Variants in ZNF385D observed in about 807,000 individuals in gnomAD.
The protein encoded by ZNF385D is zinc finger protein 385D, also known as zinc finger protein 659.
In ZNF385D, 15 loss-of-function variants were observed where a neutral mutation model predicts 35.8. The ratio of observed to expected loss-of-function variants is 0.42; its 90% CI spans 0.28 to 0.64. The LOEUF is 0.64. Among genes scored for constraint, ZNF385D ranks in the 30% least tolerant of loss-of-function variants. The pLI, the probability that ZNF385D is intolerant of heterozygous loss-of-function variation, is 0.23. For synonymous variants in ZNF385D, 212 were observed against 186.8 expected (o/e 1.13, Z -1.10); for missense variants, 474 against 494.6 (o/e 0.96, Z 0.39).
chr3:21,867,090 T>G (rs1339805599), intron 3 of ZNF385D, among the ~76,000 whole-genome samples: 4 of 152,044 alleles, frequency 2.6e-5, no homozygotes, highest in Non-Finnish European at 5.9e-5. Flanking sequence ...CGGTGTCTAG[T>G]GAGGGCCTTG....
intron 3 of ZNF385D, among the ~76,000 whole-genome samples, chr3:21,830,168 G>T (rs1250101969): frequency 1.3e-5 from 2 of 152,090 alleles, no homozygotes; most frequent in Non-Finnish European, 2.9e-5. Flanking sequence ...AAAAAGACTT[G>T]CATTTAAGCT....
rs565240340 is a variant in ZNF385D, at chr3:22,074,387, C to A, written c.325+94430G>T. 7.2e-5 allele frequency among the ~76,000 whole-genome samples: 11 copies of A among 152,052 alleles called. No homozygotes were observed. In the South Asian group the frequency reaches 2.3e-3, roughly 32 times the overall value. ...TATCATCCAGCCCTTGGCAGAGAAGCCAACTCTTAATTTTTCTATGGGTGG... is the reference window on the plus strand; with the variant it reads ...TATCATCCAGCCCTTGGCAGAGAAGACAACTCTTAATTTTTCTATGGGTGG... On this transcript the variant is annotated intron_variant, in intron 3 of 5. Transcript: ENST00000494108.
At chr3:21,650,335 T>G (rs1413707790) in intron 2 of ZNF385D, among the ~76,000 whole-genome samples, 1 of 152,006 alleles carries the variant, frequency 6.6e-6, no homozygotes, top group African/African-American at 2.4e-5. Context: ...TAGTGAGTAT[T>G]TTTTTCTTCA....
chr3:22,355,166 T>C (rs9854991), intron 2 of ZNF385D, among the ~76,000 whole-genome samples: 50,261 of 151,900 alleles, frequency 0.33, 9,096 homozygotes, highest in African/African-American at 0.45. Flanking sequence ...TTCCTTTATA[T>C]AGTCTCCATC....
At chr3:21,972,857 AGATT>A (rs1406473522) in intron 3 of ZNF385D, among the ~76,000 whole-genome samples, 1 of 151,984 alleles carries the variant, frequency 6.6e-6, no homozygotes, top group African/African-American at 2.4e-5. Flanking sequence ...CAATCTACTA[AGATT>A]GAACCGTGAA....
rs536156809 is a variant in ZNF385D, at chr3:21,733,390, T to C, written c.22+17505A>G. The stretch of plus-strand genomic sequence containing the variant: ...GTCTTTTGCCTCTCCACAGAAACTT[T>C]AGAATAAGCTTGTCAATGTTTGTTC... On this transcript the variant is annotated intron_variant, in intron 1 of 7. Coordinates refer to ENST00000281523, the MANE Select transcript of ZNF385D (RefSeq NM_024697.3). Among the ~76,000 whole-genome samples the C allele has an allele frequency of 1.8e-3, 279 of 152,294 alleles. 2 individuals are homozygous for C. Among genetic ancestry groups the C allele is most frequent in the South Asian group, 8.9e-3 (43 of 4,826 alleles).
chr3:22,164,547 G>A (rs1335395774), intron 3 of ZNF385D, among the ~76,000 whole-genome samples: 1 of 151,090 alleles, frequency 6.6e-6, no homozygotes, highest in African/African-American at 2.4e-5. Context: ...CTTTTTAAAG[G>A]GAATTGAGAA....
chr3:21,632,455 G>A (rs1461330143), intron 2 of ZNF385D, among the ~76,000 whole-genome samples: 3 of 151,954 alleles, frequency 2.0e-5, no homozygotes, highest in Admixed American at 6.6e-5. Flanking sequence ...AAACCGTTGG[G>A]AAATATATTA....
intron 3 of ZNF385D, chr3:21,849,645 C>T (rs1696255533): frequency 8.4e-6 from 1 of 118,856 alleles, no homozygotes; most frequent in East Asian, 3.0e-4. Flanking sequence ...CATCGCTCTA[C>T]ACATCATTAC....
At position 21,840,493 on chromosome 3, in the gene ZNF385D, G is replaced by A. The variant is rs547564549; in HGVS notation, c.326-175465C>T. ...CTAGTTGAATAGTGCTCAACCTTTA[G>A]CAAACACAAGAATAACGGTATGCCC... On this transcript the variant is annotated intron_variant, in intron 3 of 5. Transcript: ENST00000494108. Among the ~76,000 whole-genome samples the A allele has an allele frequency of 2.6e-5, 4 of 152,084 alleles. No individual in the cohort carries two copies. The South Asian group carries it at 8.3e-4, about 32-fold the overall frequency.
chr3:22,198,421 G>A (rs1314074011), intron 2 of ZNF385D, among the ~76,000 whole-genome samples: 1 of 152,074 alleles, frequency 6.6e-6, no homozygotes, highest in Admixed American at 6.6e-5. Context: ...CATTGTGGAA[G>A]AAAGCTCTAA....
intron 2 of ZNF385D, among the ~76,000 whole-genome samples, chr3:22,258,463 T>C (rs1487067762): frequency 6.6e-6 from 1 of 151,790 alleles, no homozygotes; most frequent in Admixed American, 6.6e-5. Context: ...CTCTGTATAA[T>C]ATCATGAAAA....
At chr3:21,634,272 G>A (rs1460591798) in intron 2 of ZNF385D, among the ~76,000 whole-genome samples, 2 of 148,094 alleles carry the variant, frequency 1.4e-5, no homozygotes, top group African/African-American at 2.5e-5. Flanking sequence ...AGGAAAGGAA[G>A]GAAGGAAGAA....
intron 2 of ZNF385D, among the ~76,000 whole-genome samples, chr3:21,647,149 A>G (rs1323341154): frequency 1.3e-5 from 2 of 152,216 alleles, no homozygotes; most frequent in Non-Finnish European, 2.9e-5. Flanking sequence ...TAAGTAAAGT[A>G]TATTTTCTAA....
chr3:21,854,377 A>G (rs1441667086), intron 3 of ZNF385D, among the ~76,000 whole-genome samples: 1 of 152,008 alleles, frequency 6.6e-6, no homozygotes, highest in Non-Finnish European at 1.5e-5. Context: ...TATGCCACTT[A>G]TTCAAAAAGC....
At chr3:21,724,219 G>A (rs1306667526) in intron 1 of ZNF385D, among the ~76,000 whole-genome samples, 7 of 151,798 alleles carry the variant, frequency 4.6e-5, no homozygotes, top group East Asian at 1.9e-4. Context: ...AAAGACCATC[G>A]ACACTATGAA....
chr3:21,610,511 C>T (rs1054314624), intron 2 of ZNF385D, among the ~76,000 whole-genome samples: 9 of 152,078 alleles, frequency 5.9e-5, no homozygotes, highest in Admixed American at 5.2e-4. Flanking sequence ...TGGCTCACGC[C>T]TGTAATCCCA....
chr3:21,798,897 A>G (rs1322867412), intron 3 of ZNF385D, among the ~76,000 whole-genome samples: 1 of 152,184 alleles, frequency 6.6e-6, no homozygotes, highest in African/African-American at 2.4e-5. Flanking sequence ...TAACGTCTAT[A>G]TAGTTAAAAA....
chr3:21,437,730 G>C (rs1701643012), intron 4 of ZNF385D, among the ~76,000 whole-genome samples: 1 of 34,602 alleles, frequency 2.9e-5, no homozygotes, highest in South Asian at 8.7e-4. Context: ...CCGGAACCCT[G>C]ATGCCATAAT....
Sources: allele counts gnomAD v4.1 joint callset (sites outside exome capture counted in the v4.1 genomes callset), GRCh38; gene constraint gnomAD v4.1.1; transcripts MANE v1.5; gene names NCBI Gene and HGNC (gene_info 2026-07-23, HGNC 2026-07-21).